The following STIM1 variants were observed in gnomAD, a reference collection of about 807,000 sequenced individuals.
STIM1 encodes stromal interaction molecule 1.
A neutral mutation model predicts 74.7 loss-of-function variants in STIM1; 25 were observed. The observed-to-expected ratio is 0.33, with a 90% confidence interval of 0.24 to 0.47. The LOEUF (loss-of-function observed/expected upper bound fraction) is 0.47, where lower values mean the gene tolerates loss of function less well. Among genes scored for constraint, STIM1 ranks in the 20% least tolerant of loss-of-function variants. The pLI, the probability that STIM1 is intolerant of heterozygous loss-of-function variation, is 1.00. For missense variants in STIM1, 728 were observed against 920.8 expected (o/e 0.79, Z 2.71); for synonymous variants, 328 against 348.8 (o/e 0.94, Z 0.66).
At chr11:3,944,103 A>ATTTTTTTT (rs1302110478) in intron 1 of STIM1, among the ~76,000 whole-genome samples, 1 of 152,210 alleles carries the variant, frequency 6.6e-6, no homozygotes, top group Non-Finnish European at 1.5e-5. Context: ...TTTTTAGCAC[A>ATTTTTTTT]TTTTCTCTCT....
chr11:4,006,318 C>G (rs961305919), intron 2 of STIM1, among the ~76,000 whole-genome samples: 2 of 152,216 alleles, frequency 1.3e-5, no homozygotes, highest in African/African-American at 4.8e-5. Flanking sequence ...TCCCCAGAAG[C>G]AGAAGCTGCT....
chr11:4,041,780 T>G (rs2094149907), intron 3 of STIM1, among the ~76,000 whole-genome samples: 1 of 152,080 alleles, frequency 6.6e-6, no homozygotes, highest in African/African-American at 2.4e-5. Flanking sequence ...AGAGACGAGG[T>G]CTCACTTTGT....
At chr11:3,994,140 G>C (rs2093640458) in intron 2 of STIM1, among the ~76,000 whole-genome samples, 1 of 152,122 alleles carries the variant, frequency 6.6e-6, no homozygotes. Flanking sequence ...ACAATTCTTG[G>C]TTGACATCCT....
At chr11:3,997,043 G>T (rs1327063873) in intron 2 of STIM1, among the ~76,000 whole-genome samples, 1 of 152,186 alleles carries the variant, frequency 6.6e-6, no homozygotes, top group Non-Finnish European at 1.5e-5. Flanking sequence ...GGATACTTTG[G>T]TTCTGACAGT....
intron 2 of STIM1, among the ~76,000 whole-genome samples, chr11:4,023,158 A>G (rs2093971747): frequency 6.6e-6 from 1 of 152,098 alleles, no homozygotes; most frequent in Non-Finnish European, 1.5e-5. Context: ...GTGAAACCCT[A>G]TCTTTACTGA....
intron 3 of STIM1, among the ~76,000 whole-genome samples, chr11:4,036,126 G>C (rs189861097): frequency 3.3e-5 from 5 of 152,116 alleles, no homozygotes; most frequent in African/African-American, 1.2e-4. Flanking sequence ...CCATTCTTGC[G>C]TGAATTTGCT....
At chr11:3,919,038 A>G (rs1395016265) in intron 1 of STIM1, among the ~76,000 whole-genome samples, 1 of 152,216 alleles carries the variant, frequency 6.6e-6, no homozygotes, top group African/African-American at 2.4e-5. Context: ...CAGTTTATCC[A>G]TTAAATATTT....
intron 2 of STIM1, among the ~76,000 whole-genome samples, chr11:3,996,528 C>T (rs7931280): frequency 0.046 from 7,072 of 152,228 alleles, 519 homozygotes; most frequent in African/African-American, 0.15. Context: ...CAGGACATTC[C>T]AGGCAGCTAA....
At chr11:3,982,171 T>TA (rs35259946) in intron 2 of STIM1, among the ~76,000 whole-genome samples, 60,744 of 151,272 alleles carry the variant, frequency 0.4, 13,420 homozygotes, top group Admixed American at 0.5. Context: ...GGACTACAGG[T>TA]GCACGCCACT....
rs760564125 is a variant in STIM1, at chr11:3,967,542, T to C, written c.140-10T>C. Reference sequence around the variant, plus strand: ...TCTGAGTAATTTTGTCTCTTGCTTTTCTTACACAGAGTTTTGCCGAATTGA... The same window carrying C: ...TCTGAGTAATTTTGTCTCTTGCTTTCCTTACACAGAGTTTTGCCGAATTGA... On this transcript the variant is annotated splice_polypyrimidine_tract_variant and intron_variant, in intron 1 of 12. Transcript: ENST00000526596. 4 of 1,614,160 alleles carry C rather than the reference T, an allele frequency of 2.5e-6. No homozygotes were observed. Among genetic ancestry groups the C allele is most frequent in the Admixed American group, 3.3e-5 (2 of 60,022 alleles).
intron 5 of STIM1, among the ~76,000 whole-genome samples, chr11:4,065,407 C>A (rs1329239566): frequency 6.6e-6 from 1 of 151,932 alleles, no homozygotes; most frequent in Non-Finnish European, 1.5e-5. Context: ...GTTTTTCCAT[C>A]CTTTTACAGG....
chr11:3,856,216 C>T lies in STIM1; in HGVS notation c.-55C>T. The T allele has an allele frequency of 6.2e-7, 1 of 1,611,344 alleles. No individual in the cohort carries two copies. The highest frequency in any genetic ancestry group is 8.5e-7 in the Non-Finnish European group (1 of 1,178,646). On this transcript the variant is annotated 5_prime_UTR_variant, in exon 1 of 13. Transcript: ENST00000526596. ...CTGCACTCCCGGGCTCCTGGCTTTG[C>T]CTCTGGGATCCCGAGGTGTCCACAT...
intron 4 of STIM1, among the ~76,000 whole-genome samples, chr11:4,057,080 G>A (rs1286729904): frequency 6.6e-6 from 1 of 152,152 alleles, no homozygotes; most frequent in African/African-American, 2.4e-5. Context: ...ACAAAGAGAT[G>A]TATTAGACCT....
chr11:4,082,852 C>T, intron 8 of STIM1, 30 bp from the exon 9 acceptor site: 2 of 1,597,844 alleles, frequency 1.3e-6, no homozygotes, highest in South Asian at 1.1e-5. Flanking sequence ...AATCCCTGCT[C>T]TTTTTGAGCT....
At chr11:4,000,255 C>A (rs4910594) in intron 2 of STIM1, among the ~76,000 whole-genome samples, 1 of 85,408 alleles carries the variant, frequency 1.2e-5, no homozygotes, top group Non-Finnish European at 2.5e-5. Flanking sequence ...CATGCAGCTG[C>A]AGATCTGAGA....
chr11:4,019,644 AC>A (rs2093937268), intron 2 of STIM1, among the ~76,000 whole-genome samples: 1 of 151,844 alleles, frequency 6.6e-6, no homozygotes, highest in Admixed American at 6.6e-5. Context: ...ACAACAAAAA[AC>A]CCCACCAACC....
chr11:4,057,810 C>T (rs1482979806), intron 4 of STIM1, among the ~76,000 whole-genome samples: 4 of 149,688 alleles, frequency 2.7e-5, no homozygotes, highest in Non-Finnish European at 5.9e-5. Context: ...GTGGAGCTTG[C>T]AGTGAGCTGA....
intron 2 of STIM1, among the ~76,000 whole-genome samples, chr11:4,020,208 C>A (rs1213255068): frequency 6.6e-6 from 1 of 151,900 alleles, no homozygotes; most frequent in African/African-American, 2.4e-5. Flanking sequence ...GCTGATGGGC[C>A]CTGAGGTTGA....
rs1331770323 is a variant in STIM1 at position 3,873,524 on chromosome 11, C to T, written c.139+17115C>T. On this transcript the variant is annotated intron_variant, in intron 1 of 12. Transcript: ENST00000526596. Reference sequence around the variant, plus strand: ...TGAAGCGATCCTCGCACCTCGGCCTCCCAAAGTGCTAGGATTACAGGTGTG... The same window carrying T: ...TGAAGCGATCCTCGCACCTCGGCCTTCCAAAGTGCTAGGATTACAGGTGTG... Among the ~76,000 whole-genome samples, 3 of 151,836 alleles carry T rather than the reference C, an allele frequency of 2.0e-5. No individual in the cohort carries two copies. The East Asian group carries it at 5.8e-4, about 29-fold the overall frequency.
Sources: gnomAD v4.1 joint callset for allele counts (sites outside exome capture counted in the v4.1 genomes callset) on GRCh38, gnomAD v4.1.1 for gene constraint, MANE v1.5 for transcripts, NCBI Gene and HGNC (gene_info 2026-07-23, HGNC 2026-07-21) for gene names.